Variants in RNASEH2B observed in about 807,000 individuals in gnomAD.
RNASEH2B encodes the protein ribonuclease H2 subunit B, also known as Aicardi-Goutieres syndrome 2 protein.
RNASEH2B carries 36 observed loss-of-function variants against 45.0 expected under a neutral mutation model. The ratio of observed to expected loss-of-function variants is 0.80; its 90% CI spans 0.61 to 1.06. The LOEUF (loss-of-function observed/expected upper bound fraction) is 1.06. RNASEH2B is among the 50% of genes least tolerant of loss of function. The probability of loss-of-function intolerance (pLI) is 0.00; values close to 1 mark genes in which losing one functional copy is unlikely to be tolerated. For synonymous variants in RNASEH2B, 119 were observed against 125.7 expected (o/e 0.95, Z 0.35); for missense variants, 361 against 360.3 (o/e 1.00, Z -0.02).
Position 50,945,738 on chromosome 13 carries a change from A to G in RNASEH2B, c.616+206A>G, listed in dbSNP as rs534751653. ...TTACTTCTGTCATTCATTGATACTT[A>G]AGTTATTTATTCAGCAAATATTTCT... is the stretch of plus-strand genomic sequence containing the variant. On this transcript the variant is annotated intron_variant, in intron 7 of 10. Transcript: ENST00000336617. 2.7e-4 allele frequency among the ~76,000 whole-genome samples: 41 copies of G among 152,296 alleles called. 1 individual carries two copies. The South Asian group carries it at 6.2e-3, about 23-fold the overall frequency.
intron 5 of RNASEH2B, among the ~76,000 whole-genome samples, chr13:50,939,356 C>CAAAAGAAAAAAA (rs1555256236): frequency 2.7e-5 from 4 of 145,584 alleles, no homozygotes; most frequent in Non-Finnish European, 6.0e-5. Flanking sequence ...GACTCTGTTT[C>CAAAAGAAAAAAA]AAAAGAAAAA....
At chr13:50,934,852 A>G (rs1296247755) in intron 4 of RNASEH2B, 33 bp from the exon 5 acceptor site, 1 of 1,398,358 alleles carries the variant, frequency 7.2e-7, no homozygotes, top group Admixed American at 1.7e-5. Flanking sequence ...TTGTTGAATG[A>G]AATGCTTGCT....
In RNASEH2B at chr13:50,967,868, G is replaced by A. The variant is rs76059527; in HGVS notation, c.742-2064G>A. On this transcript the variant is annotated intron_variant, in intron 9 of 9. Coordinates refer to the RNASEH2B transcript ENST00000422660. ...AGCTATGTCATAGTCAGATCTCTTGGAAGACAAAGAGCTCCAGGTCTAGAG... is the reference window on the plus strand; with the variant it reads ...AGCTATGTCATAGTCAGATCTCTTGAAAGACAAAGAGCTCCAGGTCTAGAG... Among the ~76,000 whole-genome samples the A allele has an allele frequency of 3.3e-4, 51 of 152,276 alleles. No homozygotes were observed. The East Asian group carries it at 9.7e-3, about 29-fold the overall frequency.
intron 1 of RNASEH2B, among the ~76,000 whole-genome samples, chr13:50,916,305 G>T (rs1212936132): frequency 1.3e-5 from 2 of 151,846 alleles, no homozygotes; most frequent in Non-Finnish European, 2.9e-5. Context: ...AGGGAGATTG[G>T]GGTTACATAA....
chr13:50,928,851 T>TA (rs201421465), intron 2 of RNASEH2B, among the ~76,000 whole-genome samples: 6 of 148,924 alleles, frequency 4.0e-5, no homozygotes, highest in South Asian at 4.2e-4. Context: ...GTGCTGTGGT[T>TA]AAAAAAAAAA....
At chr13:50,936,738 A>G (rs1951757164) in intron 5 of RNASEH2B, 1 of 152,252 alleles carries the variant, frequency 6.6e-6, no homozygotes, top group African/African-American at 2.4e-5. Flanking sequence ...TTAGCTGTAT[A>G]AGAACAATCA....
intron 1 of RNASEH2B, among the ~76,000 whole-genome samples, chr13:50,923,368 A>G (rs922408832): frequency 6.6e-6 from 1 of 152,216 alleles, no homozygotes; most frequent in Non-Finnish European, 1.5e-5. Flanking sequence ...AAGGAGATCC[A>G]TACCTGTGTG....
intron 1 of RNASEH2B, chr13:50,921,203 T>G (rs537601101): frequency 6.6e-5 from 10 of 152,298 alleles, no homozygotes; most frequent in African/African-American, 1.9e-4. Context: ...ACAGAGAGGT[T>G]GAGTATCTTG....
chr13:50,938,218 T>A (rs1426421318), intron 5 of RNASEH2B: 3 of 152,126 alleles, frequency 2.0e-5, no homozygotes, highest in Non-Finnish European at 2.9e-5. Context: ...CACAATATGT[T>A]CAAGACCAAT....
At chr13:50,929,753 CT>C (rs1167258666) in intron 3 of RNASEH2B, among the ~76,000 whole-genome samples, 171 bp downstream of exon 3, 3 of 152,086 alleles carry the variant, frequency 2.0e-5, no homozygotes, top group Non-Finnish European at 4.4e-5. Context: ...CATTTGAGCA[CT>C]AAGGTTAAGT....
rs990894081 is a variant in RNASEH2B at position 50,964,755 on chromosome 13, T to C, written c.742-5177T>C. ...GATCTTTATCTACCTTTAAAGTGCC[T>C]AAGCTGTTTTCTGGGTTTCTTTTGG... is the stretch of plus-strand genomic sequence containing the variant. On this transcript the variant is annotated intron_variant, in intron 9 of 9. Transcript: ENST00000422660. Among the ~76,000 whole-genome samples, 34 of 152,240 alleles carry C rather than the reference T, an allele frequency of 2.2e-4. 1 individual carries two copies. The highest frequency in any genetic ancestry group is 5.9e-5 in the Non-Finnish European group (4 of 68,042).
intron 5 of RNASEH2B, chr13:50,937,015 T>C (rs1480737229): frequency 1.3e-5 from 2 of 152,176 alleles, no homozygotes; most frequent in Admixed American, 1.3e-4. Flanking sequence ...TCAAAAACCC[T>C]AGGCCTCAAT....
chr13:50,920,053 T>C (rs774255537), intron 1 of RNASEH2B, among the ~76,000 whole-genome samples: 7 of 149,232 alleles, frequency 4.7e-5, no homozygotes, highest in Non-Finnish European at 8.9e-5. Context: ...TGTTTTGTTT[T>C]GACAGAGTCT....
At chr13:50,970,203 C>T in exon 10 of RNASEH2B, 1 of 594,564 alleles carries the variant, frequency 1.7e-6, no homozygotes, top group Non-Finnish European at 2.9e-6. Flanking sequence ...GAAAGCATCC[C>T]AGCGGTGCAC....
chr13:50,931,291 C>T (rs1351539297), intron 4 of RNASEH2B, among the ~76,000 whole-genome samples: 2 of 151,770 alleles, frequency 1.3e-5, no homozygotes, highest in African/African-American at 2.4e-5. Flanking sequence ...TAATTTTAGC[C>T]AGAAGTTCTG....
downstream of RNASEH2B, chr13:50,960,177 G>C (rs1292529374): frequency 9.0e-7 from 1 of 1,113,452 alleles, no homozygotes; most frequent in Non-Finnish European, 1.1e-6. Flanking sequence ...TTGTGGTAAA[G>C]TTTTATATTT....
At chr13:50,951,831 C>T (rs1951979668) in intron 9 of RNASEH2B, 1 of 152,132 alleles carries the variant, frequency 6.6e-6, no homozygotes, top group African/African-American at 2.4e-5. Flanking sequence ...TATGTAGAGG[C>T]TACCACAATC....
intron 1 of RNASEH2B, among the ~76,000 whole-genome samples, chr13:50,915,795 T>G (rs965302184): frequency 4.6e-5 from 7 of 152,198 alleles, no homozygotes; most frequent in African/African-American, 1.7e-4. Context: ...TGTAAGGGAT[T>G]TGGGGCTGCA....
Position 50,909,798 on chromosome 13 carries a change from G to A in RNASEH2B, c.-279G>A. 2.8e-6 allele frequency: 1 copy of A among 360,708 alleles called. No homozygotes were observed. Among genetic ancestry groups the A allele is most frequent in the South Asian group, 4.8e-5 (1 of 20,860 alleles). The allele number at this position is 360,708 out of a possible 1,614,324, so 22.3% of individuals were successfully genotyped here. A position where few individuals can be genotyped will look rare whatever the true frequency, so the allele number is the denominator to read the frequency against. ...GCGCGATGAGCACCTACCACTAGCG[G>A]AGCCGCGAGGGAGAGGCCGCGGCCC... On this transcript the variant is annotated 5_prime_UTR_variant, in exon 1 of 11. Transcript: ENST00000336617.
Sources: gnomAD v4.1 joint callset for allele counts (sites outside exome capture counted in the v4.1 genomes callset) on GRCh38, gnomAD v4.1.1 for gene constraint, MANE v1.5 for transcripts, NCBI Gene and HGNC (gene_info 2026-07-23, HGNC 2026-07-21) for gene names.